The following HMGCLL1 variants were observed in gnomAD, a reference collection of about 807,000 sequenced individuals.
The protein encoded by HMGCLL1 is 3-hydroxymethyl-3-methylglutaryl-CoA lyase, cytoplasmic.
HMGCLL1 carries 36 observed loss-of-function variants against 39.1 expected under a neutral mutation model. The ratio of observed to expected loss-of-function variants is 0.92; its 90% CI spans 0.71 to 1.22. The LOEUF is 1.22. Ranked by LOEUF, HMGCLL1 falls within the 50% of genes most tolerant of loss-of-function variation. The pLI, the probability that HMGCLL1 is intolerant of heterozygous loss-of-function variation, is 0.00. For synonymous variants in HMGCLL1, 149 were observed against 144.0 expected (o/e 1.03, Z -0.25); for missense variants, 451 against 416.5 (o/e 1.08, Z -0.72).
At chr6:55,541,989 C>T in intron 2 of HMGCLL1, 71 bp downstream of exon 2, 1 of 1,069,736 alleles carries the variant, frequency 9.3e-7, no homozygotes, top group East Asian at 2.5e-5. Context: ...CATATGAAAT[C>T]CATGTAAATC....
intron 1 of HMGCLL1, chr6:55,577,103 G>T: frequency 2.5e-6 from 4 of 1,613,142 alleles, no homozygotes; most frequent in Non-Finnish European, 3.4e-6. Flanking sequence ...CACCGTGCCT[G>T]CCAAGGAGAC....
At chr6:55,517,650 A>G (rs1161667382) in intron 3 of HMGCLL1, among the ~76,000 whole-genome samples, 1 of 151,960 alleles carries the variant, frequency 6.6e-6, no homozygotes, top group African/African-American at 2.4e-5. Flanking sequence ...TTTTTAAAAC[A>G]TAGTTAAATA....
chr6:55,660,812 G>A, the HMGCLL1 span, among the ~76,000 whole-genome samples: 1 of 151,838 alleles, frequency 6.6e-6, no homozygotes, highest in African/African-American at 2.4e-5. Context: ...TTTCCACAAC[G>A]ATTGAACTAA....
chr6:55,446,600 T>C (rs1272407351), intron 7 of HMGCLL1, among the ~76,000 whole-genome samples: 2 of 151,946 alleles, frequency 1.3e-5, no homozygotes, highest in Non-Finnish European at 2.9e-5. Flanking sequence ...ATCATGTCTG[T>C]ATTCTAATCT....
chr6:55,533,869 G>C (rs905358722), intron 3 of HMGCLL1, among the ~76,000 whole-genome samples: 1 of 96,222 alleles, frequency 1.0e-5, no homozygotes, highest in Non-Finnish European at 2.2e-5. Context: ...CTGGGCGACA[G>C]AGCGAGACTC....
At position 55,494,591 on chromosome 6, in the gene HMGCLL1, T is replaced by C. The variant is rs544177454; in HGVS notation, c.795+828A>G. ...GCCCTTGTGGAACTTGATCTTCCCA[T>C]TGTTTTTTAACTTCTGCCAAGCAAC... On this transcript the variant is annotated intron_variant, in intron 7 of 8. Transcript: ENST00000274901. Among the ~76,000 whole-genome samples the C allele has an allele frequency of 1.1e-3, 160 of 152,310 alleles. 2 individuals are homozygous for C. The highest frequency in any genetic ancestry group is 3.8e-3 in the African/African-American group (158 of 41,572).
intron 7 of HMGCLL1, 40 bp from the exon 8 acceptor site, chr6:55,439,599 TG>T (rs756573120): frequency 1.3e-6 from 2 of 1,593,404 alleles, no homozygotes; most frequent in South Asian, 2.3e-5. Context: ...TGTGTGTTTA[TG>T]GCATGTAAAT....
At chr6:55,482,992 C>T (rs9396099) in intron 7 of HMGCLL1, among the ~76,000 whole-genome samples, 38,481 of 151,694 alleles carry the variant, frequency 0.25, 4,925 homozygotes, top group East Asian at 0.42. Flanking sequence ...GGAAGATAAA[C>T]GAAACATGTA....
chr6:55,503,478 G>T (rs1304648082), intron 5 of HMGCLL1, among the ~76,000 whole-genome samples: 1 of 80,992 alleles, frequency 1.2e-5, no homozygotes, highest in African/African-American at 4.3e-5. Flanking sequence ...TGAAACCTGA[G>T]ACTTTTTTTT....
At chr6:55,450,367 G>A (rs1764028828) in intron 7 of HMGCLL1, among the ~76,000 whole-genome samples, 1 of 152,202 alleles carries the variant, frequency 6.6e-6, no homozygotes, top group Non-Finnish European at 1.5e-5. Flanking sequence ...GTCAGTTTCA[G>A]AAGACAGACT....
intron 7 of HMGCLL1, among the ~76,000 whole-genome samples, chr6:55,453,882 C>T (rs1016162345): frequency 3.3e-5 from 5 of 152,068 alleles, no homozygotes; most frequent in South Asian, 4.1e-4. Context: ...TGAGATCTCT[C>T]GCTTAACAAC....
chr6:55,656,245 C>T, the HMGCLL1 span, among the ~76,000 whole-genome samples: 1 of 151,916 alleles, frequency 6.6e-6, no homozygotes, highest in African/African-American at 2.4e-5. Flanking sequence ...CATGTTTTAC[C>T]ATACCCTCCT....
chr6:55,502,713 G>GT (rs77793967), intron 5 of HMGCLL1, among the ~76,000 whole-genome samples: 1,699 of 147,552 alleles, frequency 0.012, 35 homozygotes, highest in East Asian at 0.046. Flanking sequence ...TAAAGATCTG[G>GT]TTTTTTTTTT....
At chr6:55,665,243 T>C in the HMGCLL1 span, among the ~76,000 whole-genome samples, 1 of 151,712 alleles carries the variant, frequency 6.6e-6, no homozygotes, top group Admixed American at 6.6e-5. Flanking sequence ...TTTGTTGTTA[T>C]TGGTTTGATT....
rs70986735 is a variant in HMGCLL1, at chr6:55,553,248, C to CGTGTGTGTGTGTGTGTGT, written c.109-11126_109-11109dup. Among the ~76,000 whole-genome samples the CGTGTGTGTGTGTGTGTGT allele has an allele frequency of 9.7e-4, 139 of 143,708 alleles. 1 individual carries two copies. The highest frequency in any genetic ancestry group is 3.5e-3 in the Middle Eastern group (1 of 286). 94.3% of individuals were successfully genotyped at this position (143,708 alleles called of 152,430 possible). A position where few individuals can be genotyped will look rare whatever the true frequency, so the allele number is the denominator to read the frequency against. ...ATATATACATGTATTTACATATATA[C>CGTGTGTGTGTGTGTGTGT]GTGTGTGTGTGTGTGTGTGTGTATG... On this transcript the variant is annotated intron_variant, in intron 1 of 8. Transcript: ENST00000274901.
rs1246765205 is a variant in HMGCLL1 at position 55,559,710 on chromosome 6, C to T, written c.109-17570G>A. Among the ~76,000 whole-genome samples, 13 of 152,082 alleles carry T rather than the reference C, an allele frequency of 8.5e-5. No homozygotes were observed. The East Asian group carries it at 1.3e-3, about 16-fold the overall frequency. On this transcript the variant is annotated intron_variant, in intron 1 of 8. Transcript: ENST00000274901. ...TACTGCCTAATTAAATCTAATTCTT[C>T]GATGTGCAGAGATTGAATCTTATGC... is the stretch of plus-strand genomic sequence containing the variant.
chr6:55,667,839 T>G, the HMGCLL1 span, among the ~76,000 whole-genome samples: 1 of 151,844 alleles, frequency 6.6e-6, no homozygotes, highest in African/African-American at 2.4e-5. Context: ...AGATCACATA[T>G]TGTTAGTAAA....
At chr6:55,499,940 C>A (rs1766788041) in intron 5 of HMGCLL1, among the ~76,000 whole-genome samples, 1 of 152,032 alleles carries the variant, frequency 6.6e-6, no homozygotes, top group African/African-American at 2.4e-5. Flanking sequence ...TCAAGCATTT[C>A]CTGCAAAGAC....
chr6:55,541,909 T>C, intron 2 of HMGCLL1, 73 bp from the exon 3 acceptor site: 1 of 983,492 alleles, frequency 1.0e-6, no homozygotes. Context: ...AATTACTTCC[T>C]AAGTCAAAGT....
Sources: gnomAD v4.1 joint callset for allele counts (sites outside exome capture counted in the v4.1 genomes callset) on GRCh38, gnomAD v4.1.1 for gene constraint, MANE v1.5 for transcripts, NCBI Gene and HGNC (gene_info 2026-07-23, HGNC 2026-07-21) for gene names.